The following CLIC5 variants were observed in gnomAD, a reference collection of about 807,000 sequenced individuals.
The protein encoded by CLIC5 is chloride intracellular channel protein 5.
CLIC5 carries 20 observed loss-of-function variants against 24.7 expected under a neutral mutation model. That is an observed-to-expected ratio of 0.81 (90% CI 0.57 to 1.18). CLIC5 has a LOEUF of 1.18. CLIC5 is among the 50% of genes most tolerant of loss of function. The pLI is 0.00. For synonymous variants in CLIC5, 159 were observed against 135.6 expected (o/e 1.17, Z -1.20); for missense variants, 341 against 326.1 (o/e 1.05, Z -0.35).
chr6:45,945,637 G>A (rs188675388), intron 3 of CLIC5, among the ~76,000 whole-genome samples: 142 of 152,214 alleles, frequency 9.3e-4, no homozygotes, highest in Non-Finnish European at 1.8e-3. Context: ...TGGCCGCTTT[G>A]TTACTGCAAC....
chr6:45,996,578 T>C (rs1766149029), intron 1 of CLIC5, among the ~76,000 whole-genome samples: 1 of 152,162 alleles, frequency 6.6e-6, no homozygotes, highest in Non-Finnish European at 1.5e-5. Context: ...TAGCCAGTTT[T>C]CCCAGCACCA....
At chr6:46,125,285 A>T in the CLIC5 span, among the ~76,000 whole-genome samples, 2 of 152,200 alleles carry the variant, frequency 1.3e-5, no homozygotes, top group African/African-American at 2.4e-5. Context: ...AGGGACATGG[A>T]TGAAGCTGGA....
At chr6:46,030,661 G>A (rs1175255318) in intron 1 of CLIC5, among the ~76,000 whole-genome samples, 1 of 152,148 alleles carries the variant, frequency 6.6e-6, no homozygotes, top group Non-Finnish European at 1.5e-5. Flanking sequence ...TAGATTCTGG[G>A]AAACCCTAAA....
intron 1 of CLIC5, among the ~76,000 whole-genome samples, chr6:45,966,383 T>A (rs1041265953): frequency 1.3e-5 from 2 of 151,290 alleles, no homozygotes; most frequent in Non-Finnish European, 2.9e-5. Flanking sequence ...AGTCTGGGGG[T>A]AGGGCTCAGA....
At chr6:46,129,310 T>A in the CLIC5 span, among the ~76,000 whole-genome samples, 4 of 152,324 alleles carry the variant, frequency 2.6e-5, no homozygotes, top group South Asian at 8.3e-4. Context: ...ATAATTCTAC[T>A]TCTGTTTGGT....
At chr6:46,022,793 C>T (rs1251147318) in intron 1 of CLIC5, among the ~76,000 whole-genome samples, 1 of 152,168 alleles carries the variant, frequency 6.6e-6, no homozygotes, top group Non-Finnish European at 1.5e-5. Flanking sequence ...TTCGGGGTGT[C>T]TACTATGTGC....
At chr6:45,985,726 C>T (rs1180516047) in intron 1 of CLIC5, among the ~76,000 whole-genome samples, 3 of 152,100 alleles carry the variant, frequency 2.0e-5, no homozygotes, top group Admixed American at 6.5e-5. Context: ...GGCTGCATCC[C>T]TTTTCCAAAG....
At chr6:46,111,922 C>T in the CLIC5 span, among the ~76,000 whole-genome samples, 15 of 152,116 alleles carry the variant, frequency 9.9e-5, no homozygotes, top group African/African-American at 3.6e-4. Context: ...TCTTGTCTGC[C>T]ACTATGTAAG....
chr6:46,025,447 A>G (rs1291376499), intron 1 of CLIC5, among the ~76,000 whole-genome samples: 1 of 152,204 alleles, frequency 6.6e-6, no homozygotes, highest in Admixed American at 6.5e-5. Context: ...TTAGTGAGTG[A>G]GCTAGAAAGC....
chr6:45,965,066 G>A (rs1404341275), intron 1 of CLIC5, among the ~76,000 whole-genome samples: 1 of 152,110 alleles, frequency 6.6e-6, no homozygotes, highest in East Asian at 1.9e-4. Flanking sequence ...CTCTTTGATG[G>A]CACAAAAGTT....
At chr6:45,945,945 T>A (rs1764276055) in intron 3 of CLIC5, among the ~76,000 whole-genome samples, 2 of 152,258 alleles carry the variant, frequency 1.3e-5, no homozygotes, top group African/African-American at 4.8e-5. Flanking sequence ...TTTACCCTCC[T>A]GAATTTTTAT....
Position 45,993,847 on chromosome 6 carries a change from A to G in CLIC5, c.63+21633T>C, listed in dbSNP as rs148957988. On this transcript the variant is annotated intron_variant, in intron 1 of 5. Transcript: ENST00000339561. ...GGGCCCAAATACACGAATTCTTTCT[A>G]TAGCAAGCCCTGCGGAAATCATTCA... 3.0e-3 allele frequency among the ~76,000 whole-genome samples: 460 copies of G among 152,354 alleles called. 1 individual carries two copies. Among genetic ancestry groups the G allele is most frequent in the African/African-American group, 9.7e-3 (404 of 41,582 alleles).
chr6:45,892,166 T>A (rs1762353178), intron 6 of CLIC5: 1 of 152,238 alleles, frequency 6.6e-6, no homozygotes, highest in Non-Finnish European at 1.5e-5. Context: ...GATGGCAGTC[T>A]TTGGGTTGAA....
At chr6:45,940,106 C>G (rs1490307946) in intron 4 of CLIC5, among the ~76,000 whole-genome samples, 1 of 152,206 alleles carries the variant, frequency 6.6e-6, no homozygotes, top group East Asian at 1.9e-4. Flanking sequence ...CTGTCCCTGA[C>G]TTTTTCTCAA....
chr6:45,960,358 C>T (rs1690812179), intron 1 of CLIC5, among the ~76,000 whole-genome samples: 1 of 152,220 alleles, frequency 6.6e-6, no homozygotes, highest in South Asian at 2.1e-4. Flanking sequence ...AGCTCCAATG[C>T]ACCCTTGAAT....
upstream of CLIC5, chr6:46,018,691 T>C (rs966224516): frequency 6.6e-6 from 1 of 152,216 alleles, no homozygotes; most frequent in African/African-American, 2.4e-5. Context: ...TTCACAAATG[T>C]GGTGCAAGTT....
intron 1 of CLIC5, among the ~76,000 whole-genome samples, chr6:45,968,963 C>T (rs1286474216): frequency 6.6e-6 from 1 of 152,200 alleles, no homozygotes; most frequent in Non-Finnish European, 1.5e-5. Flanking sequence ...TTTTCCCTCT[C>T]TGGGTCTTAA....
chr6:46,027,691 G>A (rs1301312109), intron 1 of CLIC5, among the ~76,000 whole-genome samples: 1 of 152,130 alleles, frequency 6.6e-6, no homozygotes, highest in Non-Finnish European at 1.5e-5. Flanking sequence ...GCAAAAGTTA[G>A]CAATGCACTC....
intron 2 of CLIC5, among the ~76,000 whole-genome samples, chr6:45,952,130 T>C (rs1399032761): frequency 6.6e-6 from 1 of 152,040 alleles, no homozygotes. Flanking sequence ...GTGGTGGTGA[T>C]GGTGGTGGTG....
Sources: gnomAD v4.1 joint callset for allele counts (sites outside exome capture counted in the v4.1 genomes callset) on GRCh38, gnomAD v4.1.1 for gene constraint, MANE v1.5 for transcripts, NCBI Gene and HGNC (gene_info 2026-07-23, HGNC 2026-07-21) for gene names.